ARL15: variants seen among roughly 807,000 people sequenced by gnomAD.
ARL15 encodes the protein ARF like GTPase 15.
In ARL15, 19 loss-of-function variants were observed where a neutral mutation model predicts 25.2. The ratio of observed to expected loss-of-function variants is 0.75; its 90% CI spans 0.53 to 1.10. The LOEUF (loss-of-function observed/expected upper bound fraction) is 1.10. Ranked by LOEUF, ARL15 falls within the 50% of genes least tolerant of loss-of-function variation. The pLI, the probability that ARL15 is intolerant of heterozygous loss-of-function variation, is 0.00. For missense variants in ARL15, 220 were observed against 246.0 expected (o/e 0.89, Z 0.71); for synonymous variants, 94 against 86.8 (o/e 1.08, Z -0.46).
In ARL15 at chr5:54,107,651, C is replaced by T. The variant is rs34368333; in HGVS notation, c.462+5551G>A. Among the ~76,000 whole-genome samples the T allele has an allele frequency of 4.0e-5, 6 of 151,286 alleles. 1 individual carries two copies. In the South Asian group the frequency reaches 1.1e-3, roughly 27 times the overall value. ...TAGATGTGGAGAATAAAAAAGAGTA[C>T]GAATTGAAAAAGGCTTCAAAATGTT... is the stretch of plus-strand genomic sequence containing the variant. On this transcript the variant is annotated intron_variant, in intron 4 of 4. Transcript: ENST00000504924.
At chr5:54,079,184 T>G (rs894388987) in intron 4 of ARL15, among the ~76,000 whole-genome samples, 3 of 152,206 alleles carry the variant, frequency 2.0e-5, no homozygotes, top group African/African-American at 4.8e-5. Flanking sequence ...ACCATTATTT[T>G]TAGTTCCTGA....
chr5:53,966,816 C>T (rs940212097), intron 4 of ARL15, among the ~76,000 whole-genome samples: 4 of 152,176 alleles, frequency 2.6e-5, no homozygotes, highest in African/African-American at 9.7e-5. Flanking sequence ...AACAATGCAT[C>T]CCCGCAAATA....
chr5:53,913,542 T>C (rs1462769437), intron 4 of ARL15, among the ~76,000 whole-genome samples: 1 of 152,176 alleles, frequency 6.6e-6, no homozygotes, highest in African/African-American at 2.4e-5. Flanking sequence ...ACTTACTAAC[T>C]CTTTGGCTTT....
At chr5:54,064,673 G>A (rs1266781108) in intron 4 of ARL15, among the ~76,000 whole-genome samples, 1 of 151,874 alleles carries the variant, frequency 6.6e-6, no homozygotes, top group Non-Finnish European at 1.5e-5. Context: ...TTGGAAGGTA[G>A]GGATAATATT....
intron 1 of ARL15, among the ~76,000 whole-genome samples, chr5:54,242,159 G>T (rs1296525880): frequency 6.6e-6 from 1 of 151,486 alleles, no homozygotes; most frequent in Non-Finnish European, 1.5e-5. Context: ...ACCTGTACAC[G>T]TACACACACG....
At chr5:54,087,682 T>C (rs183326052) in intron 4 of ARL15, among the ~76,000 whole-genome samples, 2 of 76,740 alleles carry the variant, frequency 2.6e-5, no homozygotes, top group Admixed American at 3.0e-4. Flanking sequence ...ACAAAGACAA[T>C]GGAAGAAGCC....
chr5:53,936,613 T>C (rs190425293), intron 4 of ARL15, among the ~76,000 whole-genome samples: 2 of 152,354 alleles, frequency 1.3e-5, no homozygotes, highest in African/African-American at 4.8e-5. Flanking sequence ...TTGTGGGAAT[T>C]AGAAACAATG....
At chr5:53,910,763 T>C (rs1745437613) in intron 4 of ARL15, among the ~76,000 whole-genome samples, 1 of 150,138 alleles carries the variant, frequency 6.7e-6, no homozygotes, top group African/African-American at 2.5e-5. Context: ...TGAGAAAGAA[T>C]ATGTCACAGA....
rs114757655 is a variant in ARL15 at position 54,241,770 on chromosome 5, G to A, written c.48+68662C>T. On this transcript the variant is annotated intron_variant, in intron 1 of 4. Transcript: ENST00000504924. The stretch of plus-strand genomic sequence containing the variant: ...AAAAACATGAGCACATCTTGAAATG[G>A]ACAAAAAGTCATATTAAATGTTCTC... 3.1e-3 allele frequency among the ~76,000 whole-genome samples: 466 copies of A among 152,244 alleles called. 5 individuals carry two copies. The highest frequency in any genetic ancestry group is 1.0e-2 in the African/African-American group (414 of 41,548).
At chr5:54,291,579 C>T (rs1463311101) in intron 1 of ARL15, among the ~76,000 whole-genome samples, 1 of 152,130 alleles carries the variant, frequency 6.6e-6, no homozygotes, top group African/African-American at 2.4e-5. Context: ...AAGCTACTAA[C>T]TCTACTGAAT....
intron 4 of ARL15, among the ~76,000 whole-genome samples, chr5:53,908,572 A>C (rs1012708834): frequency 6.6e-6 from 1 of 152,192 alleles, no homozygotes; most frequent in Non-Finnish European, 1.5e-5. Flanking sequence ...TGCCCCATGG[A>C]TACTGAGGGA....
At chr5:53,946,507 C>G (rs1400423066) in intron 4 of ARL15, among the ~76,000 whole-genome samples, 1 of 135,218 alleles carries the variant, frequency 7.4e-6, no homozygotes, top group African/African-American at 2.7e-5. Flanking sequence ...ATTATAGAAT[C>G]TTTCCCCTAA....
chr5:53,988,292 C>T (rs2111640082), intron 4 of ARL15, among the ~76,000 whole-genome samples: 1 of 149,684 alleles, frequency 6.7e-6, no homozygotes, highest in South Asian at 2.1e-4. Flanking sequence ...CAAGTGAGAG[C>T]CTGTCTCAAA....
chr5:53,906,526 C>T (rs1745254686), intron 4 of ARL15, among the ~76,000 whole-genome samples: 1 of 152,162 alleles, frequency 6.6e-6, no homozygotes, highest in Non-Finnish European at 1.5e-5. Flanking sequence ...GTGAACTGAA[C>T]TAACTATTCT....
intron 4 of ARL15, among the ~76,000 whole-genome samples, chr5:54,078,680 T>C (rs915306846): frequency 6.8e-6 from 1 of 146,284 alleles, no homozygotes; most frequent in Non-Finnish European, 1.5e-5. Context: ...TAAAGTAACA[T>C]TGACTGAACA....
At chr5:54,104,390 C>T (rs939494377) in intron 4 of ARL15, among the ~76,000 whole-genome samples, 3 of 152,112 alleles carry the variant, frequency 2.0e-5, no homozygotes, top group Admixed American at 1.3e-4. Context: ...TTCATACATG[C>T]GCCTGTTAAA....
At chr5:54,288,130 C>T (rs965091940) in intron 1 of ARL15, among the ~76,000 whole-genome samples, 5 of 152,116 alleles carry the variant, frequency 3.3e-5, no homozygotes, top group African/African-American at 1.2e-4. Context: ...CTGCTAATAA[C>T]CCCAGGAGAA....
chr5:54,161,032 T>A (rs1195861358), intron 2 of ARL15, among the ~76,000 whole-genome samples: 3 of 152,112 alleles, frequency 2.0e-5, no homozygotes, highest in African/African-American at 4.8e-5. Flanking sequence ...TCTAGTTTTT[T>A]AATTCAAATG....
intron 1 of ARL15, among the ~76,000 whole-genome samples, chr5:54,259,422 T>C (rs1016669778): frequency 6.6e-6 from 1 of 152,184 alleles, no homozygotes; most frequent in African/African-American, 2.4e-5. Flanking sequence ...GGAATGAGGA[T>C]GTGATTTTTC....
Sources: allele counts gnomAD v4.1 joint callset (sites outside exome capture counted in the v4.1 genomes callset), GRCh38; gene constraint gnomAD v4.1.1; transcripts MANE v1.5; gene names NCBI Gene and HGNC (gene_info 2026-07-23, HGNC 2026-07-21).